DNHD1: variants seen among roughly 807,000 people sequenced by gnomAD.
DNHD1 encodes the protein dynein heavy chain domain 1.
In DNHD1, 383 loss-of-function variants were observed where a neutral mutation model predicts 458.1. The observed-to-expected ratio is 0.84, with a 90% CI of 0.77 to 0.91. The LOEUF is 0.91. DNHD1 is among the 40% of genes least tolerant of loss of function. DNHD1 has a pLI of 0.00. For synonymous variants in DNHD1, 2,203 were observed against 2,376.9 expected (o/e 0.93, Z 2.13); for missense variants, 5,336 against 5,866.1 (o/e 0.91, Z 2.95).
At chr11:6,538,019 C>G (rs1218303822) in intron 14 of DNHD1, among the ~76,000 whole-genome samples, 1 of 152,124 alleles carries the variant, frequency 6.6e-6, no homozygotes, top group Non-Finnish European at 1.5e-5. Flanking sequence ...AAGAGTGTTC[C>G]AGAAAGAATA....
intron 18 of DNHD1, 67 bp from the exon 19 acceptor site, chr11:6,544,054 T>TCCTC (rs752841418): frequency 6.8e-7 from 1 of 1,472,620 alleles, no homozygotes; most frequent in Non-Finnish European, 9.1e-7. Context: ...TCCCCTGGTC[T>TCCTC]CCTCTTCTCT....
In DNHD1 at chr11:6,546,543, G is replaced by A; in HGVS notation, c.5604G>A (p.Gly1868=). The part of the protein sequence containing the change: ...FFSLERELVS[G]PLPCRLPLLK... ...CTCTAGAGCGTGAGCTGGTGTCTGG[G>A]CCCCTGCCCTGCCGCCTGCCACTGC... Residue 1868 remains glycine, a synonymous_variant, in exon 21 of 43, where the codon GGG becomes GGA. Transcript: ENST00000254579. 6.4e-7 allele frequency: 1 copy of A among 1,551,264 alleles called. No homozygotes were observed. Among genetic ancestry groups the A allele is most frequent in the African/African-American group, 1.4e-5 (1 of 73,142 alleles).
At chr11:6,558,731 C>T in intron 26 of DNHD1, 38 bp downstream of exon 26, 1 of 1,541,470 alleles carries the variant, frequency 6.5e-7, no homozygotes, top group Non-Finnish European at 8.7e-7. Context: ...CTCATCTCTA[C>T]CAGGCTCTAA....
Position 6,557,595 on chromosome 11 carries a change from A to G in DNHD1, c.8300A>G (p.Lys2767Arg). ...GGGATGAAGGAAAGCATAAGTCACA[A>G]GATAAGGCAAGAGAAAGGCACAAGG... is the stretch of plus-strand genomic sequence containing the variant. ...SRGMKESISH[K>R]IRQEKGTRAS... The change falls in exon 25 of 43, where the codon AAG becomes AGG. Residue 2767 changes from lysine to arginine, a missense_variant. Lys to Arg is a conservative substitution (Grantham distance 26, BLOSUM62 2). Around this residue, in one of 4 missense-constraint regions of DNHD1, gnomAD observed 3,932 missense variants for 4,365.6 expected, o/e 0.90. Transcript: ENST00000254579. The G allele has an allele frequency of 6.4e-7, 1 of 1,551,794 alleles. No homozygotes were observed. Among genetic ancestry groups the G allele is most frequent in the South Asian group, 1.2e-5 (1 of 84,058 alleles).
At chr11:6,564,159 T>C (rs755849568) in intron 31 of DNHD1, 35 bp downstream of exon 31, 26 of 1,539,918 alleles carry the variant, frequency 1.7e-5, no homozygotes, top group Non-Finnish European at 2.3e-5. Context: ...TCCCCCAAAG[T>C]TCCTTTTATG....
intron 24 of DNHD1, among the ~76,000 whole-genome samples, chr11:6,555,929 A>T (rs1375147329): frequency 6.6e-6 from 1 of 152,194 alleles, no homozygotes. Flanking sequence ...TACACTTAAA[A>T]TGTATACATT....
rs753249712 is a variant in DNHD1, at chr11:6,498,195, C to T, written c.-21C>T. 5.6e-6 allele frequency: 9 copies of T among 1,596,412 alleles called. No homozygotes were observed. ...GCTATGGGCAAGGTCACTTCGACAG[C>T]AGTTGAATGCCCAGCTCCTCATGGT... is the stretch of plus-strand genomic sequence containing the variant. On this transcript the variant is annotated 5_prime_UTR_variant, in exon 3 of 43. Coordinates refer to ENST00000254579, the MANE Select transcript of DNHD1 (RefSeq NM_144666.3).
chr11:6,569,653 C>A (rs748038914), intron 39 of DNHD1, among the ~76,000 whole-genome samples: 18 of 152,068 alleles, frequency 1.2e-4, no homozygotes, highest in Non-Finnish European at 2.6e-4. Context: ...GCAAGCAGAG[C>A]AGCTTTAGGA....
chr11:6,510,902 T>C (rs936829148), intron 6 of DNHD1, among the ~76,000 whole-genome samples: 1 of 152,172 alleles, frequency 6.6e-6, no homozygotes, highest in Non-Finnish European at 1.5e-5. Flanking sequence ...TCCTAAAACT[T>C]ACCTGTCCAC....
In DNHD1 at chr11:6,563,530, C is replaced by T. The variant is rs763260268; in HGVS notation, c.9818C>T (p.Ala3273Val). The T allele has an allele frequency of 6.4e-7, 1 of 1,551,568 alleles. No individual in the cohort carries two copies. The highest frequency in any genetic ancestry group is 1.2e-5 in the South Asian group (1 of 84,052). The change falls in exon 30 of 43, where the codon GCC (alanine) becomes GTC (valine). Residue 3273 changes from alanine (A) to valine (V), a missense_variant. This residue lies in a region of DNHD1 where 3,932 missense variants were observed against 4,365.6 expected (regional missense o/e 0.90). Coordinates refer to ENST00000254579, the MANE Select transcript of DNHD1 (RefSeq NM_144666.3). ...CACCATGAAACAGGCTGGGCCAGTG[C>T]CAAACAGCTGTTATGCACTGAGGAT... ...LFHHETGWAS[A>V]KQLLCTEDFY...
At chr11:6,528,825 C>T (rs894465980) in intron 11 of DNHD1, 38 bp downstream of exon 11, 1 of 1,550,030 alleles carries the variant, frequency 6.5e-7, no homozygotes, top group Non-Finnish European at 8.7e-7. Context: ...CGCTGCCCAC[C>T]AATTCCCATT....
At position 6,563,983 on chromosome 11, in the gene DNHD1, G is replaced by C; in HGVS notation, c.10143G>C (p.Leu3381=). The C allele has an allele frequency of 6.4e-7, 1 of 1,551,746 alleles. No homozygotes were observed. Among genetic ancestry groups the C allele is most frequent in the Non-Finnish European group, 8.7e-7 (1 of 1,147,006 alleles). Reference sequence around the variant, plus strand: ...AGACCCTGGAGCATAATTTGGCCCTGGCTAAGATGGTGGAGGATGCCCAAG... The same window carrying C: ...AGACCCTGGAGCATAATTTGGCCCTCGCTAAGATGGTGGAGGATGCCCAAG... ...AQETLEHNLA[L]AKMVEDAQAS... The change falls in exon 31 of 43, where the codon CTG becomes CTC. Residue 3381 remains leucine (L), a synonymous_variant. Transcript: ENST00000254579.
intron 3 of DNHD1, among the ~76,000 whole-genome samples, chr11:6,499,411 C>T (rs1852093204): frequency 1.3e-5 from 2 of 152,248 alleles, no homozygotes; most frequent in South Asian, 4.2e-4. Flanking sequence ...GTGTCCTTCC[C>T]ACATGTCTAT....
At chr11:6,563,303 A>G in intron 29 of DNHD1, 79 bp from the exon 30 acceptor site, 1 of 1,508,530 alleles carries the variant, frequency 6.6e-7, no homozygotes, top group Non-Finnish European at 9.0e-7. Context: ...CTCCAAGGAG[A>G]TGATTCCCCT....
chr11:6,508,559 C>G (rs1454504089), intron 4 of DNHD1: 1 of 232,184 alleles, frequency 4.3e-6, no homozygotes, highest in Admixed American at 5.1e-5. Flanking sequence ...CTTAGCATTT[C>G]ATAAGATAAT....
intron 39 of DNHD1, among the ~76,000 whole-genome samples, chr11:6,569,172 T>C (rs7928490): frequency 0.45 from 68,864 of 151,916 alleles, 16,010 homozygotes; most frequent in African/African-American, 0.54. Flanking sequence ...TAAGGTTCAT[T>C]ATAAAGGGCC....
chr11:6,528,404 GGTGTGT>G lies in DNHD1; in HGVS notation c.1838-91_1838-86del, dbSNP rs55919773. 5,104 of 877,822 alleles carry G rather than the reference GGTGTGT, an allele frequency of 5.8e-3. 2 individuals carry two copies. The highest frequency in any genetic ancestry group is 0.014 in the South Asian group (762 of 52,676). 54.4% of individuals were successfully genotyped at this position (877,822 alleles called of 1,614,324 possible). ...TTAACTCACTCATGAGCAGCGAATG[GGTGTGT>G]GTGTGTGTGTGTGTGTGTGTGTGTG... On this transcript the variant is annotated intron_variant, in intron 10 of 42. Transcript: ENST00000254579.
intron 24 of DNHD1, among the ~76,000 whole-genome samples, chr11:6,555,858 C>T (rs1721404412): frequency 6.6e-6 from 1 of 152,066 alleles, no homozygotes; most frequent in Admixed American, 6.6e-5. Context: ...TGAAAATGTT[C>T]TAAATATCAT....
chr11:6,546,158 A>C lies in DNHD1; in HGVS notation c.5219A>C (p.Lys1740Thr), dbSNP rs372774108. 2.6e-6 allele frequency: 4 copies of C among 1,550,976 alleles called. No individual in the cohort carries two copies. In the African/African-American group the frequency reaches 4.1e-5, roughly 16 times the overall value. The change falls in exon 21 of 43, where the codon AAA (lysine) becomes ACA (threonine). Residue 1740 changes from lysine (K) to threonine (T), a missense_variant. Lys to Thr is a moderately conservative substitution (Grantham distance 78). Around this residue, in one of 4 missense-constraint regions of DNHD1, gnomAD observed 3,932 missense variants for 4,365.6 expected, o/e 0.90. Transcript: ENST00000254579. ...GGTGGTGCCTGGCTGCTGTTGGAGA[A>C]AGTTCATCAGCTGCCCCCTGGCTTG... is the stretch of plus-strand genomic sequence containing the variant. Reference protein sequence around the residue: ...LQGGAWLLLEKVHQLPPGLLS... With the variant: ...LQGGAWLLLETVHQLPPGLLS...
Sources: gnomAD v4.1 joint callset for allele counts (sites outside exome capture counted in the v4.1 genomes callset) on GRCh38, gnomAD v4.1.1 for gene constraint, gnomAD v4.1.1 regional missense constraint, MANE v1.5 for transcripts, NCBI Gene and HGNC (gene_info 2026-07-23, HGNC 2026-07-21) for gene names.